LAMA5: variants seen among roughly 807,000 people sequenced by gnomAD.
LAMA5 encodes laminin subunit alpha-5.
Under a neutral mutation model 433.4 loss-of-function variants are expected in LAMA5, and 260 were observed. The ratio of observed to expected loss-of-function variants is 0.60; its 90% confidence interval spans 0.54 to 0.66. LAMA5 has a LOEUF of 0.66. Among genes scored for constraint, LAMA5 ranks in the 30% least tolerant of loss-of-function variants. The pLI, the probability that LAMA5 is intolerant of heterozygous loss-of-function variation, is 0.00. For synonymous variants in LAMA5, 2,620 were observed against 2,226.6 expected (o/e 1.18, Z -4.97); for missense variants, 5,378 against 5,258.5 (o/e 1.02, Z -0.70).
chr20:62,311,915 C>T lies in LAMA5; in HGVS notation c.9635+5G>A. ...TCACGATGAGGGCCCAGCGGCCAGG[C>T]TCACCCCGTGGCATTGCTGTAGAAG... On this transcript the variant is annotated splice_donor_5th_base_variant and intron_variant, in intron 70 of 79. Transcript: ENST00000252999. The T allele has an allele frequency of 6.2e-7, 1 of 1,607,774 alleles. No homozygotes were observed. Among genetic ancestry groups the T allele is most frequent in the Non-Finnish European group, 8.5e-7 (1 of 1,177,318 alleles).
rs567788232 is a variant in LAMA5 at position 62,327,325 on chromosome 20, G to A, written c.5020C>T (p.Leu1674Phe). Residue 1674 changes from leucine to phenylalanine, a missense_variant, in exon 38 of 80, where the codon CTC (leucine) becomes TTC (phenylalanine). By Grantham distance (22) the Leu-to-Phe change is conservative (BLOSUM62 0). Transcript: ENST00000252999. ...PHERQPGTEM[L>F]RADLRHVPEA... Reference sequence around the variant, plus strand: ...GGCACGTGCCGCAGGTCTGCACGGAGCATCTCCGTCCCTGGCTGCCGCTCG... The same window carrying A: ...GGCACGTGCCGCAGGTCTGCACGGAACATCTCCGTCCCTGGCTGCCGCTCG... The A allele has an allele frequency of 1.9e-6, 3 of 1,601,854 alleles. No homozygotes were observed. The highest frequency in any genetic ancestry group is 2.7e-5 in the African/African-American group (2 of 74,966).
At chr20:62,352,150 T>C in intron 4 of LAMA5, 71 bp from the exon 5 acceptor site, 1 of 1,583,308 alleles carries the variant, frequency 6.3e-7, no homozygotes, top group South Asian at 1.1e-5. Context: ...CGGGCCCACC[T>C]TTCCCTTCTC....
chr20:62,347,774 C>T (rs912374019), intron 6 of LAMA5, among the ~76,000 whole-genome samples: 2 of 152,202 alleles, frequency 1.3e-5, no homozygotes, highest in African/African-American at 4.8e-5. Flanking sequence ...CAGGGCCGTG[C>T]GTTCCCTGAG....
In LAMA5 at chr20:62,322,397, C is replaced by G; in HGVS notation, c.6218G>C (p.Gly2073Ala). 6.3e-7 allele frequency: 1 copy of G among 1,594,284 alleles called. No individual in the cohort carries two copies. Among genetic ancestry groups the G allele is most frequent in the Non-Finnish European group, 8.5e-7 (1 of 1,171,616 alleles). Residue 2073 changes from glycine (G) to alanine (A), a missense_variant, in exon 47 of 80, where the codon GGA becomes GCA. Physicochemically the swap from Gly to Ala is moderately conservative, Grantham distance 60. Coordinates refer to ENST00000252999, the MANE Select transcript of LAMA5 (RefSeq NM_005560.6). ...GCACTCGGAGCCCTCGGCGGCCGGT[C>G]CACAAGCACACGGGCGGCAGCCCCC... ...GCGGCRPCAC[G>A]PAAEGSECHP... is the part of the protein sequence containing the mutation.
rs777496081 is a variant in LAMA5 at position 62,333,963 on chromosome 20, G to A, written c.2816C>T (p.Ala939Val). 2 of 1,612,794 alleles carry A rather than the reference G, an allele frequency of 1.2e-6. No individual in the cohort carries two copies. The highest frequency in any genetic ancestry group is 1.1e-5 in the South Asian group (1 of 91,058). Residue 939 changes from alanine to valine, a missense_variant, in exon 23 of 80, where the codon GCC (alanine) becomes GTC (valine). By Grantham distance (64) the Ala-to-Val change is moderately conservative. Coordinates refer to ENST00000252999, the MANE Select transcript of LAMA5 (RefSeq NM_005560.6). Reference sequence around the variant, plus strand: ...AGAGACCCGCCCGCTCACACTCATGGCCCCCCGGTTGACGTATCGGAAGAC... The same window carrying A: ...AGAGACCCGCCCGCTCACACTCATGACCCCCCGGTTGACGTATCGGAAGAC... ...WLVFRYVNRG[A>V]MSVSGRVSVR...
Position 62,367,086 on chromosome 20 carries a change from C to A in LAMA5, c.160G>T (p.Glu54Ter). 7.9e-7 allele frequency: 1 copy of A among 1,267,100 alleles called. No individual in the cohort carries two copies. The highest frequency in any genetic ancestry group is 9.9e-7 in the Non-Finnish European group (1 of 1,009,838). The allele number at this position is 1,267,100 out of a possible 1,614,324, so 78.5% of individuals were successfully genotyped here. A position where few individuals can be genotyped will look rare whatever the true frequency, so the allele number is the denominator to read the frequency against. The change falls in exon 1 of 80, where the codon GAG (glutamate) becomes TAG (stop). Residue 54 changes from glutamate to a stop codon, truncating the protein, a stop_gained. Transcript: ENST00000252999. LOFTEE classifies it high-confidence loss of function. ...GCGGAGGCGGCGATGCGGGCGCCCT[C>A]GGCCAGGTTGAAGTAGGGCGGGTGC... ...SLHPPYFNLA[E>*]GARIAASATC... is the part of the protein sequence containing the mutation.
rs1291916705 is a variant in LAMA5 at position 62,323,578 on chromosome 20, A to T, written c.5942T>A (p.Phe1981Tyr). Residue 1981 changes from phenylalanine (F) to tyrosine (Y), a missense_variant, in exon 45 of 80, where the codon TTC becomes TAC. Physicochemically the swap from Phe to Tyr is conservative, Grantham distance 22. Coordinates refer to ENST00000252999, the MANE Select transcript of LAMA5 (RefSeq NM_005560.6). ...CSGNGDPNLL[F>Y]SDCDPLTGAC... ...GCCCGTCAGGGGGTCGCAGTCGCTG[A>T]AGAGCAAGTTGGGGTCACCGTTGCC... is the stretch of plus-strand genomic sequence containing the variant. 2.5e-6 allele frequency: 4 copies of T among 1,608,758 alleles called. No individual in the cohort carries two copies. The highest frequency in any genetic ancestry group is 1.3e-5 in the African/African-American group (1 of 74,880).
At chr20:62,313,587 G>A in intron 63 of LAMA5, 62 bp downstream of exon 63, 5 of 1,596,372 alleles carry the variant, frequency 3.1e-6, no homozygotes, top group Admixed American at 1.7e-5. Flanking sequence ...CGGCTCTCCA[G>A]GACACAAGCG....
At position 62,327,409 on chromosome 20, in the gene LAMA5, G is replaced by A; in HGVS notation, c.4939-3C>T. The stretch of plus-strand genomic sequence containing the variant: ...ACCCATCCCTCCATATCCACGAACT[G>A]TGGGCACACACGTGTGGCTGCACAC... On this transcript the variant is annotated splice_region_variant and splice_polypyrimidine_tract_variant and intron_variant, in intron 37 of 79. Coordinates refer to ENST00000252999, the MANE Select transcript of LAMA5 (RefSeq NM_005560.6). 6.3e-7 allele frequency: 1 copy of A among 1,587,744 alleles called. No homozygotes were observed. The highest frequency in any genetic ancestry group is 8.6e-7 in the Non-Finnish European group (1 of 1,165,328).
rs764108602 is a variant in LAMA5 at position 62,320,868 on chromosome 20, C to T, written c.6519G>A (p.Leu2173=). 2 of 1,611,066 alleles carry T rather than the reference C, an allele frequency of 1.2e-6. No homozygotes were observed. The highest frequency in any genetic ancestry group is 1.7e-4 in the Middle Eastern group (1 of 6,036). The change falls in exon 49 of 80, where the codon CTG becomes CTA. Residue 2173 remains leucine (L), a synonymous_variant. Transcript: ENST00000252999. ...CGGCCCGTTCCAGGTCATCCAGGAG[C>T]AGGACCACACAGTGGTCACACACTG... ...HCEVCDHCVV[L]LLDDLERAGA... is the part of the protein sequence containing the mutation.
At chr20:62,365,663 T>G (rs936456440) in intron 1 of LAMA5, among the ~76,000 whole-genome samples, 1 of 151,878 alleles carries the variant, frequency 6.6e-6, no homozygotes, top group African/African-American at 2.4e-5. Context: ...CCCCTCTGAG[T>G]TGACCAGATA....
At chr20:62,356,933 G>A (rs1008034787) in intron 2 of LAMA5, among the ~76,000 whole-genome samples, 10 of 152,346 alleles carry the variant, frequency 6.6e-5, no homozygotes, top group Admixed American at 2.0e-4. Flanking sequence ...CTGGCGCTCC[G>A]AAGGCAAAGC....
At chr20:62,328,105 C>T in intron 35 of LAMA5, 95 bp from the exon 36 acceptor site, 2 of 1,552,080 alleles carry the variant, frequency 1.3e-6, no homozygotes, top group Non-Finnish European at 1.7e-6. Context: ...AGCATCCTCC[C>T]AGAAGTGGAG....
chr20:62,326,726 G>A lies in LAMA5; in HGVS notation c.5249C>T (p.Ala1750Val), dbSNP rs1378833106. The A allele has an allele frequency of 6.2e-7, 1 of 1,613,000 alleles. No homozygotes were observed. Among genetic ancestry groups the A allele is most frequent in the Non-Finnish European group, 8.5e-7 (1 of 1,179,894 alleles). Residue 1750 changes from alanine (A) to valine (V), a missense_variant, in exon 40 of 80, where the codon GCA becomes GTA. Ala to Val is a moderately conservative substitution (Grantham distance 64, BLOSUM62 0). Coordinates refer to ENST00000252999, the MANE Select transcript of LAMA5 (RefSeq NM_005560.6). ...NQMSITFLEP[A>V]YPTPGHVHRG... is the part of the protein sequence containing the mutation. ...GTGAACGTGGCCAGGCGTGGGGTAT[G>A]CCGGCTCCAGGAATGTGATGCTCAT...
chr20:62,338,898 G>A (rs143056902), intron 11 of LAMA5, among the ~76,000 whole-genome samples: 9 of 152,136 alleles, frequency 5.9e-5, no homozygotes, highest in East Asian at 3.9e-4. Flanking sequence ...TTAGCTGGGC[G>A]TAGTGGTGCA....
At chr20:62,342,802 G>A (rs1347379387) in intron 11 of LAMA5, among the ~76,000 whole-genome samples, 1 of 152,202 alleles carries the variant, frequency 6.6e-6, no homozygotes, top group African/African-American at 2.4e-5. Context: ...CTGATTGGGA[G>A]CATAAAAAAG....
At chr20:62,330,044 G>A (rs561666640) in intron 31 of LAMA5, 128 bp from the exon 32 acceptor site, 33 of 1,336,222 alleles carry the variant, frequency 2.5e-5, no homozygotes, top group South Asian at 7.4e-5. Context: ...GGCACGGGAC[G>A]TGCCCAAGAG....
At position 62,326,688 on chromosome 20, in the gene LAMA5, G is replaced by A; in HGVS notation, c.5287C>T (p.Gln1763Ter). Reference protein sequence around the residue: ...TPGHVHRGQLQLVEGNFRHTE... With the variant: ...TPGHVHRGQL ...CCAGCTCCCCTCACCTCCACCAGCT[G>A]CAGCTGCCCACGGTGAACGTGGCCA... Residue 1763 changes from glutamine (Q) to a stop codon, truncating the protein, a stop_gained, in exon 40 of 80, where the codon CAG becomes TAG. Coordinates refer to ENST00000252999, the MANE Select transcript of LAMA5 (RefSeq NM_005560.6). LOFTEE classifies it high-confidence loss of function. The A allele has an allele frequency of 6.2e-7, 1 of 1,612,176 alleles. No individual in the cohort carries two copies. The highest frequency in any genetic ancestry group is 1.1e-5 in the South Asian group (1 of 91,068).
chr20:62,332,519 G>T, intron 27 of LAMA5, 38 bp downstream of exon 27: 6 of 1,608,380 alleles, frequency 3.7e-6, no homozygotes, highest in Non-Finnish European at 5.1e-6. Flanking sequence ...GGCAGCCCCG[G>T]GCGTGCCCTT....
Sources: gnomAD v4.1 joint callset for allele counts (sites outside exome capture counted in the v4.1 genomes callset) on GRCh38, gnomAD v4.1.1 for gene constraint, MANE v1.5 for transcripts, NCBI Gene and HGNC (gene_info 2026-07-23, HGNC 2026-07-21) for gene names.